The following TMEM67 variants were observed in gnomAD, a reference collection of about 807,000 sequenced individuals.
The protein encoded by TMEM67 is meckelin.
In TMEM67, 124 loss-of-function variants were observed where a neutral mutation model predicts 136.6. That is an observed-to-expected ratio of 0.91 (90% confidence interval 0.78 to 1.05). The LOEUF is 1.05. Among genes scored for constraint, TMEM67 ranks in the 50% least tolerant of loss-of-function variants. TMEM67 has a pLI of 0.00. For missense variants in TMEM67, 1,107 were observed against 1,178.4 expected (o/e 0.94, Z 0.89); for synonymous variants, 364 against 390.5 (o/e 0.93, Z 0.80).
At chr8:93,791,224 A>T in intron 14 of TMEM67, 39 bp from the exon 15 acceptor site, 1 of 1,370,048 alleles carries the variant, frequency 7.3e-7, no homozygotes, top group Non-Finnish European at 1.0e-6. Context: ...TGTATCATAT[A>T]ATTTCAGTAT....
chr8:93,824,749 TC>T, the TMEM67 span, among the ~76,000 whole-genome samples: 3 of 152,204 alleles, frequency 2.0e-5, no homozygotes, highest in African/African-American at 7.2e-5. Flanking sequence ...AGGGTCTCAC[TC>T]TGTTGCCCAG....
downstream of TMEM67, among the ~76,000 whole-genome samples, chr8:93,820,723 T>C (rs1586107967): frequency 6.6e-6 from 1 of 152,324 alleles, no homozygotes; most frequent in African/African-American, 2.4e-5. Context: ...TAGTAAATGC[T>C]ATGTGAATAT....
Position 93,804,764 on chromosome 8 carries a change from A to C in TMEM67, c.2325A>C (p.Ile775=). Residue 775 remains isoleucine (I), a splice_region_variant and synonymous_variant, in exon 23 of 28, where the codon ATA becomes ATC. Transcript: ENST00000453321. The part of the protein sequence containing the change: ...QFVDLCSMSN[I]SVFLLSHKCF... ...TTCTTTTTATTCTCTTTTTATAGATATCAGTGTTTCTGTTATCCCACAAAT... is the reference window on the plus strand; with the variant it reads ...TTCTTTTTATTCTCTTTTTATAGATCTCAGTGTTTCTGTTATCCCACAAAT... 6.5e-7 allele frequency: 1 copy of C among 1,549,286 alleles called. No individual in the cohort carries two copies. Among genetic ancestry groups the C allele is most frequent in the Non-Finnish European group, 8.9e-7 (1 of 1,121,796 alleles).
chr8:93,806,474 G>A (rs1421348532), intron 23 of TMEM67, among the ~76,000 whole-genome samples: 1 of 152,110 alleles, frequency 6.6e-6, no homozygotes, highest in South Asian at 2.1e-4. Flanking sequence ...GAGGATAGAT[G>A]AAACAAAATT....
intron 3 of TMEM67, among the ~76,000 whole-genome samples, chr8:93,761,641 C>T (rs1303960379): frequency 6.6e-6 from 1 of 151,530 alleles, no homozygotes; most frequent in East Asian, 1.9e-4. Context: ...GTATAGAATG[C>T]AATTGTGGAA....
intron 6 of TMEM67, among the ~76,000 whole-genome samples, chr8:93,771,434 T>A (rs1478570228): frequency 6.6e-6 from 1 of 152,162 alleles, no homozygotes; most frequent in Non-Finnish European, 1.5e-5. Flanking sequence ...TTTCTTTGGT[T>A]TCTCTATACC....
chr8:93,782,357 C>T, intron 10 of TMEM67, 38 bp from the exon 11 acceptor site: 1 of 1,531,766 alleles, frequency 6.5e-7, no homozygotes, highest in South Asian at 1.1e-5. Context: ...GAATAGAAAA[C>T]ATTTGTGAGA....
chr8:93,815,516 T>G lies in TMEM67; in HGVS notation c.2907+69T>G. 2.8e-6 allele frequency: 4 copies of G among 1,404,164 alleles called. No homozygotes were observed. The Admixed American group carries it at 7.0e-5, about 25-fold the overall frequency. 87.0% of individuals were successfully genotyped at this position (1,404,164 alleles called of 1,614,324 possible). A position where few individuals can be genotyped will look rare whatever the true frequency, so the allele number is the denominator to read the frequency against. On this transcript the variant is annotated intron_variant, in intron 27 of 27. Coordinates refer to ENST00000453321, the MANE Select transcript of TMEM67 (RefSeq NM_153704.6). ...GAGAAATATGTTAGAAGTAGATATT[T>G]TCATAGCAGAGAGTAACAATGTCTA...
intron 18 of TMEM67, among the ~76,000 whole-genome samples, chr8:93,796,445 G>A (rs1814621070): frequency 6.6e-6 from 1 of 152,128 alleles, no homozygotes; most frequent in African/African-American, 2.4e-5. Flanking sequence ...CATCAATGTA[G>A]GTGAATCTCT....
rs1410230969 is a variant in TMEM67 at position 93,795,296 on chromosome 8, C to G, written c.1675-113C>G. 3.3e-6 allele frequency: 3 copies of G among 901,714 alleles called. No homozygotes were observed. The African/African-American group carries it at 4.9e-5, about 15-fold the overall frequency. 55.9% of individuals were successfully genotyped at this position (901,714 alleles called of 1,614,324 possible). Reference sequence around the variant, plus strand: ...CTGGATCATATGGGGATATGTGAAACAAGGCTTCAGGCTTAAGAAATGGAG... The same window carrying G: ...CTGGATCATATGGGGATATGTGAAAGAAGGCTTCAGGCTTAAGAAATGGAG... On this transcript the variant is annotated intron_variant, in intron 16 of 27. Coordinates refer to ENST00000453321, the MANE Select transcript of TMEM67 (RefSeq NM_153704.6).
At chr8:93,785,457 C>A in intron 12 of TMEM67, 79 bp downstream of exon 12, 1 of 1,385,710 alleles carries the variant, frequency 7.2e-7, no homozygotes, top group Non-Finnish European at 1.0e-6. Context: ...ATTTAATAAA[C>A]CACTGATTAT....
At chr8:93,831,658 G>GT in the TMEM67 span, among the ~76,000 whole-genome samples, 1 of 151,982 alleles carries the variant, frequency 6.6e-6, no homozygotes, top group African/African-American at 2.4e-5. Context: ...GTGTGCATGA[G>GT]TGCATGCATG....
chr8:93,826,783 A>G, the TMEM67 span, among the ~76,000 whole-genome samples: 1 of 152,134 alleles, frequency 6.6e-6, no homozygotes, highest in East Asian at 1.9e-4. Context: ...GTTCTTGGAC[A>G]TGTCATTTAT....
rs116787827 is a variant in TMEM67 at position 93,768,315 on chromosome 8, T to C, written c.651+2669T>C. 3.7e-3 allele frequency among the ~76,000 whole-genome samples: 557 copies of C among 152,146 alleles called. 2 individuals carry two copies. The highest frequency in any genetic ancestry group is 0.012 in the African/African-American group (508 of 41,520). On this transcript the variant is annotated intron_variant, in intron 6 of 27. Coordinates refer to ENST00000453321, the MANE Select transcript of TMEM67 (RefSeq NM_153704.6). ...ATCTATGACTATTTCTGTGTCTGTG[T>C]ATATATATTAAAAGGGCTGGGCGTG...
chr8:93,804,949 TAAAAAAAAAACAGTCTTCATTGATAAC>T, intron 23 of TMEM67, 71 bp downstream of exon 23: 1 of 854,006 alleles, frequency 1.2e-6, no homozygotes, highest in South Asian at 1.5e-5. Flanking sequence ...GGATTTGTTT[TAAAAAAAAAACAGTCTTCATTGATAAC>T]TTTTTTTTCT....
rs1491479499 is a variant in TMEM67, at chr8:93,808,376, TAA to T, written c.2440-462_2440-461del. On this transcript the variant is annotated intron_variant, in intron 23 of 27. Coordinates refer to ENST00000453321, the MANE Select transcript of TMEM67 (RefSeq NM_153704.6). ...ATTATAGATATATATTTATCTACTA[TAA>T]ATATTTATATATTATATATAAATAT... 4.5e-4 allele frequency among the ~76,000 whole-genome samples: 43 copies of T among 96,412 alleles called. No homozygotes were observed. In the South Asian group the frequency reaches 4.6e-3, roughly 10 times the overall value. The allele number at this position is 96,412 out of a possible 152,430, so 63.3% of individuals were successfully genotyped here. A position where few individuals can be genotyped will look rare whatever the true frequency, so the allele number is the denominator to read the frequency against.
the TMEM67 span, among the ~76,000 whole-genome samples, chr8:93,830,951 A>G: frequency 6.6e-6 from 1 of 152,274 alleles, no homozygotes; most frequent in African/African-American, 2.4e-5. Context: ...TAGAAGTGAT[A>G]GTACAGTGAG....
chr8:93,772,465 G>T (rs1247162643), intron 6 of TMEM67, 124 bp from the exon 7 acceptor site: 5 of 719,474 alleles, frequency 6.9e-6, no homozygotes, highest in South Asian at 6.7e-5. Context: ...ATCAATTCTT[G>T]TATTCCTATT....
Position 93,815,428 on chromosome 8 carries a change from T to A in TMEM67, c.2888T>A (p.Leu963His), listed in dbSNP as rs1367176198. Residue 963 changes from leucine to histidine, a missense_variant, in exon 27 of 28, where the codon CTT (leucine) becomes CAT (histidine). This residue lies in a region of TMEM67 where 925 missense variants were observed against 1,002.4 expected (regional missense o/e 0.92). Transcript: ENST00000453321. ...CAAAATTTTATTTTAGCATCCTTCCTTACATATCTACAACAAGAGGTAAAC... is the reference window on the plus strand; with the variant it reads ...CAAAATTTTATTTTAGCATCCTTCCATACATATCTACAACAAGAGGTAAAC... ...ACQNFILASFLTYLQQEIFRY... is the reference protein window; with the variant it reads ...ACQNFILASFHTYLQQEIFRY... 7 of 1,612,646 alleles carry A rather than the reference T, an allele frequency of 4.3e-6. No individual in the cohort carries two copies. The highest frequency in any genetic ancestry group is 5.9e-6 in the Non-Finnish European group (7 of 1,179,568).
Sources: gnomAD v4.1 joint callset for allele counts (sites outside exome capture counted in the v4.1 genomes callset) on GRCh38, gnomAD v4.1.1 for gene constraint, gnomAD v4.1.1 regional missense constraint, MANE v1.5 for transcripts, NCBI Gene and HGNC (gene_info 2026-07-23, HGNC 2026-07-21) for gene names.